The following DLG1 variants were observed in gnomAD, a reference collection of about 807,000 sequenced individuals.
DLG1 encodes disks large homolog 1.
A neutral mutation model predicts 123.4 loss-of-function variants in DLG1; 42 were observed. The observed-to-expected ratio is 0.34, with a 90% confidence interval of 0.27 to 0.44. The LOEUF (loss-of-function observed/expected upper bound fraction) is 0.44. Ranked by LOEUF, DLG1 falls within the 20% of genes least tolerant of loss-of-function variation. The pLI is 1.00. For missense variants in DLG1, 942 were observed against 1,082.6 expected (o/e 0.87, Z 1.82); for synonymous variants, 317 against 356.2 (o/e 0.89, Z 1.24).
intron 5 of DLG1, among the ~76,000 whole-genome samples, chr3:197,172,978 G>A (rs1805023399): frequency 6.6e-6 from 1 of 152,108 alleles, no homozygotes; most frequent in African/African-American, 2.4e-5. Flanking sequence ...TTCCTCTGAG[G>A]TTCCACTAAT....
At chr3:197,275,670 CAT>C (rs1264237452) in intron 4 of DLG1, among the ~76,000 whole-genome samples, 1 of 152,138 alleles carries the variant, frequency 6.6e-6, no homozygotes, top group African/African-American at 2.4e-5. Flanking sequence ...TGTTGTCACT[CAT>C]ATGTGGAAGC....
At chr3:197,282,489 G>A (rs1440198507) in intron 4 of DLG1, 190 bp downstream of exon 4, 3 of 379,888 alleles carry the variant, frequency 7.9e-6, no homozygotes, top group Non-Finnish European at 1.4e-5. Context: ...TTTTAAAACA[G>A]GGGCAACAGA....
chr3:197,294,384 C>T (rs1056937082), intron 3 of DLG1, among the ~76,000 whole-genome samples: 20 of 121,332 alleles, frequency 1.6e-4, no homozygotes, highest in African/African-American at 2.8e-4. Context: ...CGGTGGCTCA[C>T]GCCTGTAATC....
At chr3:197,179,734 T>C (rs1809102835) in intron 5 of DLG1, among the ~76,000 whole-genome samples, 1 of 152,162 alleles carries the variant, frequency 6.6e-6, no homozygotes, top group Non-Finnish European at 1.5e-5. Context: ...GATACTGTTA[T>C]TCTCTCTATT....
chr3:197,217,704 T>G (rs1232159978), intron 4 of DLG1, among the ~76,000 whole-genome samples: 1 of 152,184 alleles, frequency 6.6e-6, no homozygotes, highest in Non-Finnish European at 1.5e-5. Flanking sequence ...ATGGCTCCAT[T>G]TATATAAAAC....
chr3:197,254,840 G>C (rs1185475733), intron 4 of DLG1, among the ~76,000 whole-genome samples: 6 of 152,076 alleles, frequency 3.9e-5, no homozygotes, highest in Non-Finnish European at 7.4e-5. Flanking sequence ...CCTGAGGTCA[G>C]GAGTTCAAGA....
chr3:197,104,146 T>C (rs1157506170), intron 14 of DLG1, among the ~76,000 whole-genome samples: 1 of 152,192 alleles, frequency 6.6e-6, no homozygotes, highest in African/African-American at 2.4e-5. Flanking sequence ...TAAATCTTGA[T>C]ATTAATAATT....
intron 3 of DLG1, among the ~76,000 whole-genome samples, chr3:197,286,586 T>C (rs1053083820): frequency 3.3e-5 from 5 of 152,182 alleles, no homozygotes; most frequent in African/African-American, 1.2e-4. Flanking sequence ...TGCTGTACAA[T>C]ACGGCAATAG....
intron 5 of DLG1, among the ~76,000 whole-genome samples, chr3:197,167,431 T>A (rs575835644): frequency 1.3e-5 from 2 of 152,140 alleles, no homozygotes; most frequent in Non-Finnish European, 2.9e-5. Context: ...GCAGACAATA[T>A]CTGAATCAAG....
intron 17 of DLG1, among the ~76,000 whole-genome samples, chr3:197,079,501 T>C (rs2149040286): frequency 6.6e-6 from 1 of 152,308 alleles, no homozygotes; most frequent in Non-Finnish European, 1.5e-5. Context: ...TGTATAAAGT[T>C]GGTTACAGTC....
chr3:197,125,812 A>C (rs2149486822), intron 11 of DLG1, among the ~76,000 whole-genome samples: 1 of 152,254 alleles, frequency 6.6e-6, no homozygotes, highest in East Asian at 1.9e-4. Context: ...ACAGTGGCAA[A>C]ACGACAATGG....
intron 1 of DLG1, 133 bp from the exon 2 acceptor site, chr3:197,297,368 G>C (rs1482887776): frequency 4.8e-6 from 7 of 1,461,160 alleles, no homozygotes; most frequent in Non-Finnish European, 6.3e-6. Context: ...CAAAGAAAGA[G>C]TCTCAAAACG....
intron 1 of DLG1, chr3:197,297,966 C>T: frequency 2.0e-6 from 2 of 976,298 alleles, no homozygotes; most frequent in Non-Finnish European, 2.4e-6. Flanking sequence ...GGCCGCCGCA[C>T]CCCCGCGGCC....
intron 4 of DLG1, among the ~76,000 whole-genome samples, chr3:197,244,627 T>C (rs1029291761): frequency 2.6e-5 from 4 of 151,918 alleles, no homozygotes; most frequent in Non-Finnish European, 4.4e-5. Flanking sequence ...TTGGTAGGAA[T>C]TGGTCTCGGA....
Position 197,283,297 on chromosome 3 carries a change from T to C in DLG1, c.152-452A>G, listed in dbSNP as rs565467362. On this transcript the variant is annotated intron_variant, in intron 3 of 24. Coordinates refer to ENST00000667157, the MANE Select transcript of DLG1 (RefSeq NM_001366207.1). ...AGGAGTTATTACCGTTCACCACCAA[T>C]ATCTAAGCTGGGAATGTAAATCCCT... 1.6e-4 allele frequency among the ~76,000 whole-genome samples: 24 copies of C among 152,206 alleles called. 1 individual carries two copies. In the South Asian group the frequency reaches 5.0e-3, roughly 32 times the overall value.
intron 13 of DLG1, among the ~76,000 whole-genome samples, chr3:197,115,711 T>G (rs537356631): frequency 4.1e-4 from 63 of 152,316 alleles, no homozygotes; most frequent in African/African-American, 1.4e-3. Context: ...ACATAATTTC[T>G]TCAAGCACAT....
In DLG1 at chr3:197,065,187, A is replaced by AC. The variant is rs531152847; in HGVS notation, c.2373+88_2373+89insG. On this transcript the variant is annotated intron_variant, in intron 22 of 24. Transcript: ENST00000667157. ...CAAATTCATCACATTAACAAAACTA[A>AC]TTAGTGCTGTATCTATCCTACCAGT... 8.9e-5 allele frequency: 109 copies of AC among 1,218,966 alleles called. 1 individual carries two copies. The African/African-American group carries it at 1.6e-3, about 17-fold the overall frequency. The allele number at this position is 1,218,966 out of a possible 1,614,324, so 75.5% of individuals were successfully genotyped here.
chr3:197,288,720 A>C (rs1217186840), intron 3 of DLG1, among the ~76,000 whole-genome samples: 4 of 81,814 alleles, frequency 4.9e-5, no homozygotes, highest in East Asian at 3.3e-4. Flanking sequence ...AAACTGTCTC[A>C]AAAAAAAAAA....
At chr3:197,276,136 C>T (rs1213468965) in intron 4 of DLG1, among the ~76,000 whole-genome samples, 2 of 152,212 alleles carry the variant, frequency 1.3e-5, no homozygotes, top group East Asian at 1.9e-4. Context: ...TGCTTTCACT[C>T]ATTTAATAAC....
Sources: gnomAD v4.1 joint callset for allele counts (sites outside exome capture counted in the v4.1 genomes callset) on GRCh38, gnomAD v4.1.1 for gene constraint, MANE v1.5 for transcripts, NCBI Gene and HGNC (gene_info 2026-07-23, HGNC 2026-07-21) for gene names.